Variants in SH3KBP1 observed in about 807,000 individuals in gnomAD.
SH3KBP1 encodes SH3 domain containing kinase binding protein 1.
In SH3KBP1, 8 loss-of-function variants were observed where a neutral mutation model predicts 50.1. That is an observed-to-expected ratio of 0.16 (90% CI 0.09 to 0.29). The LOEUF is 0.29. SH3KBP1 is among the 10% of genes least tolerant of loss of function. The pLI, the probability that SH3KBP1 is intolerant of heterozygous loss-of-function variation, is 1.00. For synonymous variants in SH3KBP1, 227 were observed against 218.6 expected, an observed-to-expected ratio of 1.04 and a Z score of -0.34; for missense variants, 377 against 535.2, an observed-to-expected ratio of 0.70 and a Z score of 2.92.
intron 7 of SH3KBP1, among the ~76,000 whole-genome samples, chrX:19,643,317 T>TA (rs2061912611): frequency 1.2e-5 from 1 of 86,852 alleles, no homozygotes; most frequent in South Asian, 4.7e-4. Flanking sequence ...ATTTTTTTTT[T>TA]TTTTATTTTT....
At chrX:19,801,818 G>A (rs1437196500) in intron 2 of SH3KBP1, among the ~76,000 whole-genome samples, 3 of 112,391 alleles carry the variant, frequency 2.7e-5, no homozygotes, top group Non-Finnish European at 5.6e-5. Context: ...TCTCACGCCT[G>A]TAATTCTAAC....
intron 2 of SH3KBP1, among the ~76,000 whole-genome samples, chrX:19,773,856 GAAAAAAAAAAAAAAAAAA>G (rs59381892): frequency 2.0e-4 from 3 of 14,922 alleles, no homozygotes; most frequent in African/African-American, 7.0e-4. Context: ...ACTCCGGCTC[GAAAAAAAAAAAAAAAAAA>G]AAAAAAAAAA....
At chrX:19,810,145 T>C (rs2067163767) in intron 2 of SH3KBP1, among the ~76,000 whole-genome samples, 3 of 111,834 alleles carry the variant, frequency 2.7e-5, no homozygotes, top group African/African-American at 9.8e-5. Context: ...ACATAAGTTA[T>C]CTACCAATCC....
In SH3KBP1 at chrX:19,594,984, G is replaced by A. The variant is rs1020488020; in HGVS notation, c.1022C>T (p.Pro341Leu). 4 of 1,200,627 alleles carry A rather than the reference G, an allele frequency of 3.3e-6. No individual in the cohort carries two copies. In the South Asian group the frequency reaches 5.3e-5, roughly 16 times the overall value. The change falls in exon 10 of 18, where the codon CCG (proline) becomes CTG (leucine). Residue 341 changes from proline to leucine, a missense_variant. Physicochemically the swap from Pro to Leu is moderately conservative, Grantham distance 98. Coordinates refer to ENST00000397821, the MANE Select transcript of SH3KBP1 (RefSeq NM_031892.3). Reference protein sequence around the residue: ...EKEGNRPKKPPPPSAPVIKQG... With the variant: ...EKEGNRPKKPLPPSAPVIKQG... The stretch of plus-strand genomic sequence containing the variant: ...TTTGATGACAGGAGCGGATGGAGGC[G>A]GTGGCTTCTTGGGTCTCTGAAAAAT...
rs1477809158 is a variant in SH3KBP1, at chrX:19,836,131, A to G, written c.156T>C (p.Phe52=). 1.7e-6 allele frequency: 2 copies of G among 1,210,727 alleles called. No individual in the cohort carries two copies. The highest frequency in any genetic ancestry group is 2.2e-5 in the Admixed American group (1 of 45,904). Residue 52 remains phenylalanine (F), a synonymous_variant, in exon 2 of 18, where the codon TTT becomes TTC. Coordinates refer to ENST00000397821, the MANE Select transcript of SH3KBP1 (RefSeq NM_031892.3). ...GGTTTTGCTTTGTACTCACTCTTAC[A>G]AAGTTGTCAGGGAACAAACCTCTCC... ...NGRRGLFPDN[F]VREIKKEMKK...
At chrX:19,681,013 C>T (rs2148581001) in intron 6 of SH3KBP1, among the ~76,000 whole-genome samples, 1 of 111,709 alleles carries the variant, frequency 9.0e-6, no homozygotes, top group Non-Finnish European at 1.9e-5. Flanking sequence ...TGCTTGGGAC[C>T]AGAAGTGTTT....
rs138920235 is a variant in SH3KBP1 at position 19,571,432 on chromosome X, C to G, written c.1299-2244G>C. On this transcript the variant is annotated intron_variant, in intron 12 of 17. Coordinates refer to ENST00000397821, the MANE Select transcript of SH3KBP1 (RefSeq NM_031892.3). ...GCCCCACCAGGGCCATTGCCTCAGA[C>G]TGATCCCGAGCCAACAGAAAGGGCA... Among the ~76,000 whole-genome samples the G allele has an allele frequency of 2.4e-3, 264 of 112,257 alleles. 1 individual carries two copies. The highest frequency in any genetic ancestry group is 8.2e-3 in the African/African-American group (252 of 30,895).
At chrX:19,782,315 C>T (rs745708618) in intron 2 of SH3KBP1, among the ~76,000 whole-genome samples, 167 of 111,895 alleles carry the variant, frequency 1.5e-3, no homozygotes, top group Non-Finnish European at 2.5e-3. Context: ...CCCTAGAACA[C>T]CGTTGGAGGG....
At chrX:19,848,707 C>T (rs1415527525) in intron 1 of SH3KBP1, among the ~76,000 whole-genome samples, 2 of 111,796 alleles carry the variant, frequency 1.8e-5, no homozygotes, top group African/African-American at 6.5e-5. Context: ...ATTGGACAAT[C>T]AACGTTTTGC....
chrX:19,749,533 A>G (rs1207126853), intron 2 of SH3KBP1, among the ~76,000 whole-genome samples: 1 of 113,190 alleles, frequency 8.8e-6, no homozygotes. Context: ...AACCTGGAAA[A>G]CATTATGCTA....
chrX:19,637,005 T>C (rs1489374349), intron 7 of SH3KBP1, among the ~76,000 whole-genome samples: 1 of 112,450 alleles, frequency 8.9e-6, no homozygotes, highest in African/African-American at 3.2e-5. Context: ...CACATCATAA[T>C]CAGAAATTCT....
At chrX:19,598,948 T>C (rs147943301) in intron 9 of SH3KBP1, among the ~76,000 whole-genome samples, 32 of 112,183 alleles carry the variant, frequency 2.9e-4, no homozygotes, top group African/African-American at 9.7e-4. Flanking sequence ...ATAGCGCCAG[T>C]AGGTTTGCTC....
At chrX:19,831,523 G>A (rs1219466807) in intron 2 of SH3KBP1, among the ~76,000 whole-genome samples, 1 of 108,576 alleles carries the variant, frequency 9.2e-6, no homozygotes, top group Admixed American at 9.9e-5. Context: ...CGGGTGTGGT[G>A]GCTCACACCT....
At chrX:19,581,872 A>C (rs1466407608) in intron 12 of SH3KBP1, among the ~76,000 whole-genome samples, 3 of 108,202 alleles carry the variant, frequency 2.8e-5, no homozygotes, top group African/African-American at 1.0e-4. Context: ...AAAAAAAAAA[A>C]AGCGATTCCA....
chrX:19,833,748 G>T (rs1235351352), intron 2 of SH3KBP1, among the ~76,000 whole-genome samples: 1 of 111,354 alleles, frequency 9.0e-6, no homozygotes. Flanking sequence ...CTTTCCCACA[G>T]TCCCCTTCTG....
intron 2 of SH3KBP1, among the ~76,000 whole-genome samples, chrX:19,749,574 T>C (rs1446870423): frequency 8.9e-6 from 1 of 112,649 alleles, no homozygotes; most frequent in Non-Finnish European, 1.9e-5. Flanking sequence ...GGGATAAACA[T>C]TGTATGAGTC....
intron 5 of SH3KBP1, chrX:19,694,970 G>C: frequency 8.5e-7 from 1 of 1,175,707 alleles, no homozygotes; most frequent in Non-Finnish European, 1.1e-6. Flanking sequence ...TAGTGACTGG[G>C]AGAACGAAGT....
chrX:19,690,874 C>G (rs1482490786), intron 5 of SH3KBP1, among the ~76,000 whole-genome samples: 1 of 112,063 alleles, frequency 8.9e-6, no homozygotes, highest in Non-Finnish European at 1.9e-5. Flanking sequence ...ATGGAGGCAG[C>G]ACCAGAATGT....
intron 4 of SH3KBP1, among the ~76,000 whole-genome samples, chrX:19,703,233 C>T (rs2063567498): frequency 9.0e-6 from 1 of 111,686 alleles, no homozygotes; most frequent in African/African-American, 3.3e-5. Context: ...TTAATGGTAG[C>T]ACACATTTGG....
Sources: allele counts gnomAD v4.1 joint callset (sites outside exome capture counted in the v4.1 genomes callset), GRCh38; gene constraint gnomAD v4.1.1; transcripts MANE v1.5; gene names NCBI Gene and HGNC (gene_info 2026-07-23, HGNC 2026-07-21).